PPP3CC: variants seen among roughly 807,000 people sequenced by gnomAD.
PPP3CC encodes protein phosphatase 3 catalytic subunit gamma, also known as serine/threonine-protein phosphatase 2B catalytic subunit gamma isoform.
PPP3CC carries 35 observed loss-of-function variants against 60.3 expected under a neutral mutation model. The ratio of observed to expected loss-of-function variants is 0.58; its 90% CI spans 0.44 to 0.77. The LOEUF is 0.77. Ranked by LOEUF, PPP3CC falls within the 30% of genes least tolerant of loss-of-function variation. The pLI is 0.00. For missense variants in PPP3CC, 570 were observed against 628.9 expected, an observed-to-expected ratio of 0.91 and a Z score of 1.00; for synonymous variants, 206 against 224.3, an observed-to-expected ratio of 0.92 and a Z score of 0.73.
At chr8:22,479,031 C>T (rs537348845) in intron 3 of PPP3CC, among the ~76,000 whole-genome samples, 79 of 152,196 alleles carry the variant, frequency 5.2e-4, no homozygotes, top group Admixed American at 1.2e-3. Flanking sequence ...TGAGATCTAT[C>T]GAGTATTCAT....
chr8:22,445,207 A>T (rs1471955595), intron 1 of PPP3CC, among the ~76,000 whole-genome samples: 1 of 152,142 alleles, frequency 6.6e-6, no homozygotes, highest in East Asian at 1.9e-4. Context: ...TATTGTGCTT[A>T]TGGCTTTCTT....
At chr8:22,474,796 T>C (rs1374687042) in intron 1 of PPP3CC, among the ~76,000 whole-genome samples, 158 bp from the exon 2 acceptor site, 1 of 152,230 alleles carries the variant, frequency 6.6e-6, no homozygotes, top group Non-Finnish European at 1.5e-5. Context: ...TGATCATTTA[T>C]GATACATAGT....
chr8:22,470,557 G>A lies in PPP3CC; in HGVS notation c.50-4397G>A, dbSNP rs193165892. 2.9e-4 allele frequency among the ~76,000 whole-genome samples: 44 copies of A among 152,158 alleles called. 1 individual carries two copies. The highest frequency in any genetic ancestry group is 6.6e-5 in the Admixed American group (1 of 15,266). On this transcript the variant is annotated intron_variant, in intron 1 of 13. Transcript: ENST00000240139. ...GTACCCAGAACATACAAGAACTTTCGTCAGTCAATAAGAAAAGATACTAAA... is the reference window on the plus strand; with the variant it reads ...GTACCCAGAACATACAAGAACTTTCATCAGTCAATAAGAAAAGATACTAAA...
intron 1 of PPP3CC, among the ~76,000 whole-genome samples, chr8:22,464,841 A>AT (rs1563692532): frequency 6.6e-6 from 1 of 152,182 alleles, no homozygotes; most frequent in Non-Finnish European, 1.5e-5. Flanking sequence ...TATTGACCAT[A>AT]TACCCACTTT....
At chr8:22,483,954 C>G (rs890558197) in intron 3 of PPP3CC, among the ~76,000 whole-genome samples, 1 of 152,206 alleles carries the variant, frequency 6.6e-6, no homozygotes, top group East Asian at 1.9e-4. Context: ...AGTCCTCCTG[C>G]CTCAGCCACC....
At chr8:22,510,669 T>A (rs1305157021) in intron 4 of PPP3CC, among the ~76,000 whole-genome samples, 1 of 152,178 alleles carries the variant, frequency 6.6e-6, no homozygotes, top group Non-Finnish European at 1.5e-5. Flanking sequence ...CAAGGAAATA[T>A]CCACAGTGGG....
chr8:22,469,339 G>A (rs982254745), intron 1 of PPP3CC, among the ~76,000 whole-genome samples: 17 of 152,126 alleles, frequency 1.1e-4, no homozygotes, highest in African/African-American at 4.1e-4. Flanking sequence ...TGGGAAGGGT[G>A]AGTGGGGGAA....
At chr8:22,514,685 CTTTTTTT>C (rs1178058958) in intron 6 of PPP3CC, among the ~76,000 whole-genome samples, 1 of 124,088 alleles carries the variant, frequency 8.1e-6, no homozygotes, top group Non-Finnish European at 1.7e-5. Flanking sequence ...TTTTTTTCAC[CTTTTTTT>C]TTTTTTTTCC....
At chr8:22,444,365 G>A (rs1836763780) in intron 1 of PPP3CC, among the ~76,000 whole-genome samples, 1 of 152,144 alleles carries the variant, frequency 6.6e-6, no homozygotes, top group South Asian at 2.1e-4. Flanking sequence ...GTCAAGTTAA[G>A]GTAGTACTTT....
intron 2 of PPP3CC, 64 bp from the exon 3 acceptor site, chr8:22,475,436 T>C (rs1000061864): frequency 6.0e-6 from 9 of 1,505,420 alleles, no homozygotes; most frequent in Non-Finnish European, 8.1e-6. Flanking sequence ...TGATCCCTTT[T>C]GGTGTAATGC....
At chr8:22,470,177 A>G (rs1029411875) in intron 1 of PPP3CC, among the ~76,000 whole-genome samples, 9 of 151,854 alleles carry the variant, frequency 5.9e-5, no homozygotes, top group African/African-American at 2.2e-4. Flanking sequence ...GCTAGAGTAC[A>G]GTGGCTCAGT....
chr8:22,531,246 T>C, intron 10 of PPP3CC: 1 of 1,451,754 alleles, frequency 6.9e-7, no homozygotes. Context: ...CATAAATTTC[T>C]CTTCTCATAT....
At chr8:22,452,121 C>T (rs1302401896) in intron 1 of PPP3CC, among the ~76,000 whole-genome samples, 1 of 151,772 alleles carries the variant, frequency 6.6e-6, no homozygotes, top group Non-Finnish European at 1.5e-5. Flanking sequence ...AAACAAACTC[C>T]TGGCCTCAAT....
chr8:22,460,115 T>C (rs1187301917), intron 1 of PPP3CC, among the ~76,000 whole-genome samples: 1 of 152,162 alleles, frequency 6.6e-6, no homozygotes, highest in Non-Finnish European at 1.5e-5. Flanking sequence ...TAGTTGTCTT[T>C]GGCTGGTGAG....
At chr8:22,531,592 G>C (rs1471932221) in intron 10 of PPP3CC, among the ~76,000 whole-genome samples, 1 of 152,172 alleles carries the variant, frequency 6.6e-6, no homozygotes, top group Non-Finnish European at 1.5e-5. Flanking sequence ...CTTCTCATGT[G>C]TGGGCTATTT....
At chr8:22,456,152 A>T (rs79597801) in intron 1 of PPP3CC, among the ~76,000 whole-genome samples, 2,921 of 152,320 alleles carry the variant, frequency 0.019, 55 homozygotes, top group East Asian at 0.084. Flanking sequence ...TCCCATGAGG[A>T]TAAGACTACC....
intron 1 of PPP3CC, among the ~76,000 whole-genome samples, chr8:22,444,050 G>T (rs1487609340): frequency 6.6e-6 from 1 of 152,178 alleles, no homozygotes; most frequent in Admixed American, 6.5e-5. Flanking sequence ...GTGGGTATGT[G>T]GGAGAGGTTT....
intron 12 of PPP3CC, among the ~76,000 whole-genome samples, chr8:22,533,921 G>A (rs1839784417): frequency 6.9e-6 from 1 of 144,664 alleles, no homozygotes. Flanking sequence ...ACTGAGGGCC[G>A]GGAGCGGTGG....
intron 1 of PPP3CC, among the ~76,000 whole-genome samples, chr8:22,446,959 A>T (rs1003002385): frequency 2.6e-5 from 4 of 151,978 alleles, no homozygotes; most frequent in African/African-American, 7.3e-5. Flanking sequence ...GATGTCTTAG[A>T]ATCATTACCA....
Sources: allele counts gnomAD v4.1 joint callset (sites outside exome capture counted in the v4.1 genomes callset), GRCh38; gene constraint gnomAD v4.1.1; transcripts MANE v1.5; gene names NCBI Gene and HGNC (gene_info 2026-07-23, HGNC 2026-07-21).